The following CDK6 variants were observed in gnomAD, a reference collection of about 807,000 sequenced individuals.
CDK6 encodes cyclin dependent kinase 6.
In CDK6, 6 loss-of-function variants were observed where a neutral mutation model predicts 37.1. The ratio of observed to expected loss-of-function variants is 0.16; its 90% CI spans 0.09 to 0.32. The LOEUF is 0.32. CDK6 is among the 10% of genes least tolerant of loss of function. CDK6 has a pLI of 1.00. For synonymous variants in CDK6, 160 were observed against 161.3 expected (o/e 0.99, Z 0.06); for missense variants, 224 against 418.9 (o/e 0.53, Z 4.06).
At position 92,834,997 on chromosome 7, in the gene CDK6, G is replaced by A. The variant is rs988858861; in HGVS notation, c.-367-1307C>T. 1 of 152,270 alleles carries A rather than the reference G, an allele frequency of 6.6e-6. No homozygotes were observed. The highest frequency in any genetic ancestry group is 2.4e-5 in the African/African-American group (1 of 41,462). 9.4% of individuals were successfully genotyped at this position (152,270 alleles called of 1,614,324 possible). A position where few individuals can be genotyped will look rare whatever the true frequency, so the allele number is the denominator to read the frequency against. On this transcript the variant is annotated intron_variant, in intron 1 of 7. Coordinates refer to ENST00000424848, the MANE Select transcript of CDK6 (RefSeq NM_001145306.2). This position sits in a 1 kb window ranked among gnomAD's most constrained non-coding sequence, Gnocchi z 4.6. ...AGGACTTTCACCACGACGGCCGCAT[G>A]TCCGGAATTCCCGGGGCACCTCGGA...
chr7:92,782,612 A>G (rs1341929490), intron 2 of CDK6, among the ~76,000 whole-genome samples: 3 of 152,184 alleles, frequency 2.0e-5, no homozygotes, highest in Non-Finnish European at 4.4e-5. Flanking sequence ...CTTTGCCACC[A>G]TTTTAGTGAA....
chr7:92,712,933 G>A (rs1212042671), intron 4 of CDK6, among the ~76,000 whole-genome samples: 1 of 151,974 alleles, frequency 6.6e-6, no homozygotes, highest in Non-Finnish European at 1.5e-5. Context: ...GAGTGATCTT[G>A]GCTCACTGCA....
At chr7:92,799,532 C>T (rs1225231224) in intron 2 of CDK6, among the ~76,000 whole-genome samples, 2 of 150,738 alleles carry the variant, frequency 1.3e-5, no homozygotes, top group African/African-American at 4.9e-5. Flanking sequence ...GGATTTCTTG[C>T]TCATTCATCT....
intron 2 of CDK6, among the ~76,000 whole-genome samples, chr7:92,776,022 A>T (rs1799842557): frequency 6.6e-6 from 1 of 152,010 alleles, no homozygotes; most frequent in South Asian, 2.1e-4. Context: ...TCAACCCATC[A>T]TCTACATTAG....
At chr7:92,647,051 C>T (rs941536395) in intron 5 of CDK6, among the ~76,000 whole-genome samples, 2 of 152,164 alleles carry the variant, frequency 1.3e-5, no homozygotes, top group South Asian at 4.1e-4. Flanking sequence ...ATGCATTTGG[C>T]CCATTTTATG....
intron 2 of CDK6, among the ~76,000 whole-genome samples, chr7:92,831,406 T>C (rs184693688): frequency 1.3e-5 from 2 of 152,186 alleles, no homozygotes; most frequent in Non-Finnish European, 2.9e-5. Context: ...GGATACTCCA[T>C]AGGTAACAGA....
intron 3 of CDK6, among the ~76,000 whole-genome samples, chr7:92,758,967 C>T (rs187487129): frequency 4.6e-5 from 7 of 152,016 alleles, no homozygotes; most frequent in African/African-American, 1.2e-4. Flanking sequence ...GGAATGCTAA[C>T]GATTTTGGTA....
intron 5 of CDK6, among the ~76,000 whole-genome samples, chr7:92,670,437 T>C (rs1416057581): frequency 6.6e-6 from 1 of 152,190 alleles, no homozygotes; most frequent in Non-Finnish European, 1.5e-5. Flanking sequence ...TGAGCTACCA[T>C]GGAGCTACAT....
intron 3 of CDK6, among the ~76,000 whole-genome samples, chr7:92,731,674 C>G (rs974565815): frequency 1.3e-5 from 2 of 151,674 alleles, no homozygotes; most frequent in African/African-American, 4.9e-5. Flanking sequence ...GAAATGAGAA[C>G]AGAACCCACT....
chr7:92,641,864 G>C (rs775409543), intron 5 of CDK6, among the ~76,000 whole-genome samples: 11 of 152,252 alleles, frequency 7.2e-5, no homozygotes, highest in Non-Finnish European at 1.5e-4. Context: ...CAGTGAGCCG[G>C]CCACACAGCC....
chr7:92,830,090 C>G (rs1320631505), intron 2 of CDK6, among the ~76,000 whole-genome samples: 2 of 152,190 alleles, frequency 1.3e-5, no homozygotes, highest in African/African-American at 4.8e-5. Context: ...AGTGCAGAAA[C>G]TCCAATACAG....
intron 5 of CDK6, among the ~76,000 whole-genome samples, chr7:92,634,496 A>C (rs1796125628): frequency 6.6e-6 from 1 of 152,090 alleles, no homozygotes; most frequent in Non-Finnish European, 1.5e-5. Flanking sequence ...TGGTAACAAA[A>C]AATTCTTGGC....
chr7:92,702,557 A>G (rs888285174), intron 4 of CDK6, among the ~76,000 whole-genome samples: 1 of 152,160 alleles, frequency 6.6e-6, no homozygotes, highest in African/African-American at 2.4e-5. Flanking sequence ...TTATTATGAA[A>G]AAACTTCCAT....
At chr7:92,658,581 T>TC (rs1796760977) in intron 5 of CDK6, among the ~76,000 whole-genome samples, 1 of 146,440 alleles carries the variant, frequency 6.8e-6, no homozygotes, top group East Asian at 2.0e-4. Flanking sequence ...CTCTCTCTCT[T>TC]TCTCTCTCTC....
intron 4 of CDK6, among the ~76,000 whole-genome samples, chr7:92,718,126 A>G (rs1798275097): frequency 6.6e-6 from 1 of 152,142 alleles, no homozygotes; most frequent in Admixed American, 6.5e-5. Flanking sequence ...CTCACTGGTG[A>G]AAGTGAAAAC....
At chr7:92,786,670 CTG>C (rs1410299996) in intron 2 of CDK6, among the ~76,000 whole-genome samples, 1 of 147,918 alleles carries the variant, frequency 6.8e-6, no homozygotes, top group Non-Finnish European at 1.5e-5. Context: ...TAATCTGGCT[CTG>C]TGTGTGTATA....
At chr7:92,772,776 T>C (rs1031052296) in intron 3 of CDK6, among the ~76,000 whole-genome samples, 4 of 152,122 alleles carry the variant, frequency 2.6e-5, no homozygotes, top group African/African-American at 9.7e-5. Context: ...TGATCAAACC[T>C]GAGTCTAGTA....
chr7:92,729,828 C>T (rs1798601410), intron 3 of CDK6, among the ~76,000 whole-genome samples: 1 of 152,180 alleles, frequency 6.6e-6, no homozygotes, highest in African/African-American at 2.4e-5. Flanking sequence ...TCATAGCTCA[C>T]TGCAACCTCT....
At chr7:92,660,381 G>A (rs915790690) in intron 5 of CDK6, among the ~76,000 whole-genome samples, 2 of 152,174 alleles carry the variant, frequency 1.3e-5, no homozygotes, top group Non-Finnish European at 2.9e-5. Context: ...CAAGAGAAGA[G>A]CAAGGGTTCT....
Sources: gnomAD v4.1 joint callset for allele counts (sites outside exome capture counted in the v4.1 genomes callset) on GRCh38, gnomAD v4.1.1 for gene constraint, Gnocchi (gnomAD v3.1) non-coding constraint, MANE v1.5 for transcripts, NCBI Gene and HGNC (gene_info 2026-07-23, HGNC 2026-07-21) for gene names.